The following RFX8 variants were observed in gnomAD, a reference collection of about 807,000 sequenced individuals.
The protein encoded by RFX8 is DNA-binding protein RFX8.
RFX8 carries 46 observed loss-of-function variants against 54.6 expected under a neutral mutation model. The observed-to-expected ratio is 0.84, with a 90% CI of 0.67 to 1.08. The LOEUF (loss-of-function observed/expected upper bound fraction) is 1.08. Ranked by LOEUF, RFX8 falls within the 50% of genes least tolerant of loss-of-function variation. RFX8 has a pLI of 0.00. For missense variants in RFX8, 536 were observed against 562.3 expected (o/e 0.95, Z 0.47); for synonymous variants, 192 against 209.5 (o/e 0.92, Z 0.72).
chr2:101,458,948 A>C (rs539555926), intron 2 of RFX8, among the ~76,000 whole-genome samples: 1 of 151,828 alleles, frequency 6.6e-6, no homozygotes, highest in Non-Finnish European at 1.5e-5. Context: ...TTTTCACTTT[A>C]TTTCATTAAT....
chr2:101,433,454 A>G (rs1216184521), intron 2 of RFX8, among the ~76,000 whole-genome samples: 2 of 152,256 alleles, frequency 1.3e-5, no homozygotes, highest in Non-Finnish European at 2.9e-5. Flanking sequence ...TGTCTAAAAA[A>G]AGTCAGGCAT....
intron 9 of RFX8, among the ~76,000 whole-genome samples, chr2:101,408,012 A>G (rs1476788997): frequency 6.6e-6 from 1 of 152,242 alleles, no homozygotes; most frequent in Non-Finnish European, 1.5e-5. Context: ...CAGCCAAGCT[A>G]TTTTACAAAA....
chr2:101,410,588 C>CTT (rs35603034), intron 9 of RFX8, 31 bp downstream of exon 9: 363 of 993,862 alleles, frequency 3.7e-4, no homozygotes, highest in Non-Finnish European at 4.4e-4. Flanking sequence ...GGTCAACACA[C>CTT]TTTTTTTTTT....
chr2:101,433,962 A>G (rs1399117441), intron 2 of RFX8, among the ~76,000 whole-genome samples: 3 of 152,244 alleles, frequency 2.0e-5, no homozygotes, highest in African/African-American at 7.2e-5. Context: ...GACATATGTC[A>G]TTATAATTTT....
intron 2 of RFX8, among the ~76,000 whole-genome samples, chr2:101,465,559 G>A (rs1267605467): frequency 6.6e-6 from 1 of 151,790 alleles, no homozygotes; most frequent in East Asian, 1.9e-4. Context: ...AAAAACTGAG[G>A]TAAAATACAA....
In RFX8 at chr2:101,397,719, G is replaced by A. The variant is rs1685207618; in HGVS notation, c.1251C>T (p.Ile417=). ...TGGTTTCATCTTCCAACAGCACCTG[G>A]ATGAGCTGCAAGAGGGAAATGTTTT... is the stretch of plus-strand genomic sequence containing the variant. ...LVDTAMGNKL[I]QVLLEDETTE... is the part of the protein sequence containing the mutation. Residue 417 remains isoleucine (I), a synonymous_variant, in exon 12 of 12, where the codon ATC becomes ATT. Coordinates refer to ENST00000428343, the MANE Select transcript of RFX8 (RefSeq NM_001145664.2). The A allele has an allele frequency of 6.5e-7, 1 of 1,547,238 alleles. No individual in the cohort carries two copies.
chr2:101,472,559 G>A (rs59246268), intron 1 of RFX8, among the ~76,000 whole-genome samples: 113,369 of 152,138 alleles, frequency 0.75, 42,886 homozygotes, highest in African/African-American at 0.84. Context: ...TGGGACTTGA[G>A]TAAGTCAGAC....
chr2:101,467,651 A>C (rs1359948911), intron 1 of RFX8, among the ~76,000 whole-genome samples: 1 of 152,168 alleles, frequency 6.6e-6, no homozygotes, highest in Non-Finnish European at 1.5e-5. Context: ...TCAACTACCC[A>C]AATGCTCCTG....
At chr2:101,406,454 C>T (rs1156314124) in intron 9 of RFX8, among the ~76,000 whole-genome samples, 1 of 147,904 alleles carries the variant, frequency 6.8e-6, no homozygotes, top group Non-Finnish European at 1.5e-5. Flanking sequence ...ATCTCAGCCT[C>T]CTGAGTAGCT....
chr2:101,443,995 T>C (rs1688240946), intron 2 of RFX8, among the ~76,000 whole-genome samples: 4 of 152,010 alleles, frequency 2.6e-5, no homozygotes, highest in African/African-American at 4.8e-5. Flanking sequence ...TCTGGGTATG[T>C]GTATGTAGCG....
intron 2 of RFX8, among the ~76,000 whole-genome samples, chr2:101,448,523 G>C (rs1238176924): frequency 6.6e-6 from 1 of 152,268 alleles, no homozygotes; most frequent in Admixed American, 6.5e-5. Flanking sequence ...GGCCCTTCAT[G>C]ATCCCCTACC....
chr2:101,440,285 G>A (rs892687345), intron 2 of RFX8, among the ~76,000 whole-genome samples: 3 of 152,086 alleles, frequency 2.0e-5, no homozygotes, highest in East Asian at 1.9e-4. Flanking sequence ...TTTGGCCCTC[G>A]GCTAGGGTCT....
intron 2 of RFX8, among the ~76,000 whole-genome samples, chr2:101,431,011 A>G (rs1339051484): frequency 6.6e-6 from 1 of 152,202 alleles, no homozygotes; most frequent in African/African-American, 2.4e-5. Context: ...TTTCTCCCCA[A>G]TTCCACATTG....
chr2:101,441,544 T>TA (rs1442868727), intron 2 of RFX8, among the ~76,000 whole-genome samples: 2 of 152,172 alleles, frequency 1.3e-5, no homozygotes, highest in East Asian at 1.9e-4. Context: ...CCCTTGAACT[T>TA]AGACTTCTCA....
At chr2:101,400,696 A>G (rs1308582812) in intron 11 of RFX8, among the ~76,000 whole-genome samples, 3 of 152,188 alleles carry the variant, frequency 2.0e-5, no homozygotes, top group African/African-American at 4.8e-5. Flanking sequence ...ACAAGTTGTC[A>G]TGCTACACTC....
chr2:101,461,788 C>T (rs560668668), intron 2 of RFX8, among the ~76,000 whole-genome samples: 4 of 151,990 alleles, frequency 2.6e-5, no homozygotes, highest in Admixed American at 1.3e-4. Context: ...GGAAATACGC[C>T]GCAATAGAAA....
At chr2:101,474,038 C>A (rs1303861737) in intron 1 of RFX8, among the ~76,000 whole-genome samples, 1 of 152,194 alleles carries the variant, frequency 6.6e-6, no homozygotes, top group Non-Finnish European at 1.5e-5. Context: ...CATGGCAGGT[C>A]CCTCCGCGCT....
At chr2:101,458,496 T>G (rs2148983250) in intron 2 of RFX8, among the ~76,000 whole-genome samples, 1 of 152,354 alleles carries the variant, frequency 6.6e-6, no homozygotes, top group African/African-American at 2.4e-5. Context: ...TATGAAATTC[T>G]GGGTTGAAAA....
intron 4 of RFX8, chr2:101,421,449 A>C: frequency 1.8e-6 from 2 of 1,132,912 alleles, no homozygotes; most frequent in Non-Finnish European, 2.2e-6. Flanking sequence ...GAGCAGAATT[A>C]GGATCTAAAA....
Sources: gnomAD v4.1 joint callset for allele counts (sites outside exome capture counted in the v4.1 genomes callset) on GRCh38, gnomAD v4.1.1 for gene constraint, MANE v1.5 for transcripts, NCBI Gene and HGNC (gene_info 2026-07-23, HGNC 2026-07-21) for gene names.